The following DDX21 variants were observed in gnomAD, a reference collection of about 807,000 sequenced individuals.
DDX21 encodes DExD-box helicase 21, also known as nucleolar RNA helicase 2.
Under a neutral mutation model 90.0 loss-of-function variants are expected in DDX21, and 18 were observed. The ratio of observed to expected loss-of-function variants is 0.20; its 90% confidence interval spans 0.14 to 0.30. The LOEUF (loss-of-function observed/expected upper bound fraction) is 0.30. DDX21 is among the 10% of genes least tolerant of loss of function. The pLI, the probability that DDX21 is intolerant of heterozygous loss-of-function variation, is 1.00. For synonymous variants in DDX21, 294 were observed against 318.0 expected, an observed-to-expected ratio of 0.92 and a Z score of 0.80; for missense variants, 673 against 944.5, an observed-to-expected ratio of 0.71 and a Z score of 3.77.
At chr10:68,981,407 A>G in intron 13 of DDX21, 130 bp from the exon 14 acceptor site, 1 of 806,264 alleles carries the variant, frequency 1.2e-6, no homozygotes, top group East Asian at 2.6e-5. Context: ...AAGTTCATCT[A>G]AAATTATACC....
chr10:68,984,270 C>T lies in DDX21; in HGVS notation c.*1458C>T, dbSNP rs1836885452. 1 of 152,196 alleles carries T rather than the reference C, an allele frequency of 6.6e-6. No homozygotes were observed. Among genetic ancestry groups the T allele is most frequent in the Non-Finnish European group, 1.5e-5 (1 of 68,038 alleles). 9.4% of individuals were successfully genotyped at this position (152,196 alleles called of 1,614,324 possible). The stretch of plus-strand genomic sequence containing the variant: ...AGAATCTTTCTTGGTCCTGATTTCT[C>T]TTGCTTAATCCAGTCTTTATCTCTA... On this transcript the variant is annotated 3_prime_UTR_variant, in exon 15 of 15. Transcript: ENST00000354185.
rs1843144751 is a variant in DDX21 at position 68,978,827 on chromosome 10, T to C, written c.1903-15T>C. 6.2e-7 allele frequency: 1 copy of C among 1,603,396 alleles called. No individual in the cohort carries two copies. The highest frequency in any genetic ancestry group is 1.3e-5 in the African/African-American group (1 of 74,538). On this transcript the variant is annotated splice_polypyrimidine_tract_variant and intron_variant, in intron 12 of 14. Transcript: ENST00000354185. Reference sequence around the variant, plus strand: ...TTCAGCACTTTAATTTTATTCTCCTTTCTTGTGTTGTAAGGGTTTTGTGAC... The same window carrying C: ...TTCAGCACTTTAATTTTATTCTCCTCTCTTGTGTTGTAAGGGTTTTGTGAC...
intron 1 of DDX21, among the ~76,000 whole-genome samples, chr10:68,958,250 A>G (rs1054377621): frequency 2.0e-5 from 3 of 151,928 alleles, no homozygotes; most frequent in Admixed American, 1.3e-4. Context: ...CTGGGATTAC[A>G]GGTGTGAGCC....
chr10:68,965,395 A>G lies in DDX21; in HGVS notation c.805A>G (p.Thr269Ala). The G allele has an allele frequency of 1.2e-6, 2 of 1,613,870 alleles. No individual in the cohort carries two copies. The highest frequency in any genetic ancestry group is 2.2e-5 in the South Asian group (2 of 91,082). ...RAPQVLVLAP[T>A]RELANQVSKD... ...TTATCAGGTACTGGTTCTTGCACCT[A>G]CAAGAGAGTTGGCAAATCAAGTAAG... The change falls in exon 5 of 15, where the codon ACA (threonine) becomes GCA (alanine). Residue 269 changes from threonine (T) to alanine (A), a missense_variant. Thr to Ala is a moderately conservative substitution (Grantham distance 58, BLOSUM62 0). Coordinates refer to ENST00000354185, the MANE Select transcript of DDX21 (RefSeq NM_004728.4).
chr10:68,978,545 T>C (rs1288452582), intron 12 of DDX21, among the ~76,000 whole-genome samples: 2 of 152,204 alleles, frequency 1.3e-5, no homozygotes, highest in East Asian at 3.8e-4. Context: ...TAGATTTACA[T>C]GTAGCTGTAA....
At chr10:68,960,317 G>A in intron 2 of DDX21, 68 bp downstream of exon 2, 2 of 1,467,238 alleles carry the variant, frequency 1.4e-6, no homozygotes, top group African/African-American at 1.4e-5. Context: ...GTAGGTAACT[G>A]CTATATGTAC....
In DDX21 at chr10:68,977,633, C is replaced by T. The variant is rs576999472; in HGVS notation, c.1847C>T (p.Ala616Val). ...GAVEALAAALAHISGATSVDQ... is the reference protein window; with the variant it reads ...GAVEALAAALVHISGATSVDQ... Reference sequence around the variant, plus strand: ...GTGGAAGCTCTGGCAGCAGCACTGGCCCATATTTCAGGTGCCACGTCCGTA... The same window carrying T: ...GTGGAAGCTCTGGCAGCAGCACTGGTCCATATTTCAGGTGCCACGTCCGTA... The change falls in exon 12 of 15, where the codon GCC (alanine) becomes GTC (valine). Residue 616 changes from alanine to valine, a missense_variant. Transcript: ENST00000354185. 2.5e-6 allele frequency: 4 copies of T among 1,613,868 alleles called. No individual in the cohort carries two copies. The South Asian group carries it at 4.4e-5, about 18-fold the overall frequency.
At chr10:68,974,904 C>T (rs1190080467) in intron 11 of DDX21, among the ~76,000 whole-genome samples, 161 bp downstream of exon 11, 2 of 152,012 alleles carry the variant, frequency 1.3e-5, no homozygotes, top group Non-Finnish European at 2.9e-5. Context: ...TGGTCTCAAG[C>T]AGTCCTCCCA....
At chr10:68,970,485 CTTT>C (rs35874790) in intron 8 of DDX21, 135 bp downstream of exon 8, 5,300 of 525,480 alleles carry the variant, frequency 0.01, no homozygotes, top group South Asian at 0.013. Context: ...GAGGAAGCTA[CTTT>C]TTTTTTTTTT....
At position 68,984,841 on chromosome 10, in the gene DDX21, T is replaced by G. The variant is rs1326321876; in HGVS notation, c.*2029T>G. On this transcript the variant is annotated 3_prime_UTR_variant, in exon 15 of 15. Coordinates refer to ENST00000354185, the MANE Select transcript of DDX21 (RefSeq NM_004728.4). ...CTGGATCCCAGAATTCAACCTGTAT[T>G]TATAAATGTATAATGTATTTAGCTA... 1.3e-5 allele frequency: 2 copies of G among 152,230 alleles called. No homozygotes were observed. Among genetic ancestry groups the G allele is most frequent in the Non-Finnish European group, 2.9e-5 (2 of 68,032 alleles). The allele number at this position is 152,230 out of a possible 1,614,324, so 9.4% of individuals were successfully genotyped here.
rs752270675 is a variant in DDX21, at chr10:68,962,198, AT to A, written c.607+45del. On this transcript the variant is annotated intron_variant, in intron 3 of 14. Coordinates refer to ENST00000354185, the MANE Select transcript of DDX21 (RefSeq NM_004728.4). ...ATATCGTATGATGTTAGAACGTATT[AT>A]TTTAACAGAAGCACTCCACTATTTT... The A allele has an allele frequency of 3.7e-5, 53 of 1,433,756 alleles. No individual in the cohort carries two copies. The South Asian group carries it at 5.9e-4, about 16-fold the overall frequency. The allele number at this position is 1,433,756 out of a possible 1,614,324, so 88.8% of individuals were successfully genotyped here.
intron 1 of DDX21, 86 bp downstream of exon 1, chr10:68,956,398 G>A (rs1842794447): frequency 2.5e-6 from 4 of 1,575,140 alleles, no homozygotes; most frequent in East Asian, 2.3e-5. Flanking sequence ...CTGGGATCGT[G>A]GGAGCGCGCG....
At chr10:68,957,837 G>T (rs142371749) in intron 1 of DDX21, among the ~76,000 whole-genome samples, 1 of 152,262 alleles carries the variant, frequency 6.6e-6, no homozygotes, top group East Asian at 1.9e-4. Context: ...AGAATTCAGC[G>T]TAATATGTAC....
chr10:68,979,062 G>A lies in DDX21; in HGVS notation c.2037+86G>A. ...GGTGTGGGTTCTTCCTGTTCTGTGGGGATGCTGCATCTCTTCACTCTCTCA... is the reference window on the plus strand; with the variant it reads ...GGTGTGGGTTCTTCCTGTTCTGTGGAGATGCTGCATCTCTTCACTCTCTCA... On this transcript the variant is annotated intron_variant, in intron 13 of 14. Transcript: ENST00000354185. The A allele has an allele frequency of 8.4e-6, 13 of 1,546,266 alleles. No homozygotes were observed. In the South Asian group the frequency reaches 1.6e-4, roughly 19 times the overall value.
intron 10 of DDX21, 128 bp downstream of exon 10, chr10:68,973,792 T>G (rs1843058566): frequency 1.6e-6 from 2 of 1,244,448 alleles, no homozygotes; most frequent in Non-Finnish European, 2.2e-6. Context: ...AGCTTATTGT[T>G]AGGTACATAT....
intron 13 of DDX21, among the ~76,000 whole-genome samples, chr10:68,980,948 T>C (rs73268395): frequency 0.013 from 1,906 of 150,892 alleles, 48 homozygotes; most frequent in African/African-American, 0.044. Context: ...AGCAAGACCC[T>C]ATCTTAAGAG....
Position 68,959,985 on chromosome 10 carries a change from T to C in DDX21, c.267T>C (p.Ser89=). 6.2e-7 allele frequency: 1 copy of C among 1,608,888 alleles called. No homozygotes were observed. Among genetic ancestry groups the C allele is most frequent in the Non-Finnish European group, 8.5e-7 (1 of 1,179,178 alleles). The stretch of plus-strand genomic sequence containing the variant: ...AGGAGCCATCTCAAAATGACATTTC[T>C]CCTAAAACCAAAAGTTTGAGAAAGA... ...KKEEPSQNDI[S]PKTKSLRKKK... Residue 89 remains serine, a synonymous_variant, in exon 2 of 15, where the codon TCT becomes TCC. Coordinates refer to ENST00000354185, the MANE Select transcript of DDX21 (RefSeq NM_004728.4).
rs756160306 is a variant in DDX21, at chr10:68,963,409, C to T, written c.726C>T (p.Ile242=). The T allele has an allele frequency of 3.1e-6, 5 of 1,614,004 alleles. No individual in the cohort carries two copies. The African/African-American group carries it at 5.3e-5, about 17-fold the overall frequency. The part of the protein sequence containing the change: ...TGTGKTFSFA[I]PLIEKLHGEL... ...CTGGGAAGACATTCTCCTTTGCCAT[C>T]CCTTTGATTGAGAAACTTCATGGGG... The change falls in exon 4 of 15, where the codon ATC becomes ATT. Residue 242 remains isoleucine (I), a synonymous_variant. Transcript: ENST00000354185.
At chr10:68,981,827 A>C (rs1015109460) in intron 14 of DDX21, among the ~76,000 whole-genome samples, 3 of 151,772 alleles carry the variant, frequency 2.0e-5, no homozygotes, top group Admixed American at 6.6e-5. Flanking sequence ...CCACCCTTTA[A>C]CACTTATATA....
Sources: allele counts gnomAD v4.1 joint callset (sites outside exome capture counted in the v4.1 genomes callset), GRCh38; gene constraint gnomAD v4.1.1; transcripts MANE v1.5; gene names NCBI Gene and HGNC (gene_info 2026-07-23, HGNC 2026-07-21).